The following MSH3 variants were observed in gnomAD, a reference collection of about 807,000 sequenced individuals.
The protein encoded by MSH3 is mutS homolog 3, also known as DNA mismatch repair protein Msh3.
In MSH3, 106 loss-of-function variants were observed where a neutral mutation model predicts 123.3. That is an observed-to-expected ratio of 0.86 (90% CI 0.73 to 1.01). MSH3 has a LOEUF of 1.01. MSH3 is among the 50% of genes least tolerant of loss of function. The pLI, the probability that MSH3 is intolerant of heterozygous loss-of-function variation, is 0.00. For missense variants in MSH3, 1,459 were observed against 1,347.6 expected (o/e 1.08, Z -1.29); for synonymous variants, 515 against 481.4 (o/e 1.07, Z -0.91).
chr5:80,700,817 G>A (rs1453131575), intron 8 of MSH3, among the ~76,000 whole-genome samples: 1 of 152,126 alleles, frequency 6.6e-6, no homozygotes, highest in East Asian at 1.9e-4. Context: ...ATTGATAGTC[G>A]AATAGGAAGA....
chr5:80,749,018 C>G (rs1386913528), intron 12 of MSH3, among the ~76,000 whole-genome samples: 2 of 151,912 alleles, frequency 1.3e-5, no homozygotes, highest in African/African-American at 4.8e-5. Context: ...TCTACCTGTA[C>G]TTTACATTTT....
intron 20 of MSH3, among the ~76,000 whole-genome samples, chr5:80,827,587 G>A (rs749109757): frequency 2.7e-4 from 40 of 148,114 alleles, no homozygotes; most frequent in Non-Finnish European, 4.9e-4. Context: ...CACATGATAA[G>A]TGAGCACTAA....
rs537287852 is a variant in MSH3 at position 80,829,916 on chromosome 5, A to G, written c.2813+16175A>G. On this transcript the variant is annotated intron_variant, in intron 20 of 23. Transcript: ENST00000265081. ...TATTGATTCAATTTCTTTAATAGAT[A>G]CAGGCCTATTCAGATTGTCCCTGTC... Among the ~76,000 whole-genome samples, 5 of 152,334 alleles carry G rather than the reference A, an allele frequency of 3.3e-5. No homozygotes were observed. In the South Asian group the frequency reaches 1.0e-3, roughly 32 times the overall value.
At chr5:80,655,601 C>T (rs1749259233) in intron 1 of MSH3, 1 of 183,618 alleles carries the variant, frequency 5.4e-6, no homozygotes, top group Non-Finnish European at 1.2e-5. Flanking sequence ...TGTTTTTAAA[C>T]CAGAGATACT....
chr5:80,775,268 T>G (rs1744278927), intron 15 of MSH3, among the ~76,000 whole-genome samples: 1 of 152,168 alleles, frequency 6.6e-6, no homozygotes. Flanking sequence ...ATCCTCTCTG[T>G]TCAGAATAGG....
At position 80,682,377 on chromosome 5, in the gene MSH3, G is replaced by T. The variant is rs148613412; in HGVS notation, c.1340+3284G>T. ...AGGTAAAGCGCCTGAAATAGTACCT[G>T]CTGTAGAAGGCTCTCTGTAAGAGGA... On this transcript the variant is annotated intron_variant, in intron 8 of 23. Coordinates refer to ENST00000265081, the MANE Select transcript of MSH3 (RefSeq NM_002439.5). Among the ~76,000 whole-genome samples, 314 of 152,192 alleles carry T rather than the reference G, an allele frequency of 2.1e-3. 3 individuals are homozygous for T. The highest frequency in any genetic ancestry group is 7.2e-3 in the African/African-American group (299 of 41,542).
intron 20 of MSH3, among the ~76,000 whole-genome samples, chr5:80,829,432 GTT>G: frequency 6.6e-6 from 1 of 152,158 alleles, no homozygotes; most frequent in East Asian, 1.9e-4. Context: ...TTTACTGAGA[GTT>G]TTTATCATGA....
intron 8 of MSH3, among the ~76,000 whole-genome samples, chr5:80,697,303 A>G (rs915291227): frequency 1.3e-5 from 2 of 152,208 alleles, no homozygotes; most frequent in African/African-American, 4.8e-5. Flanking sequence ...CCTGAGTTAT[A>G]CAAGGTGTTG....
chr5:80,860,908 T>G (rs1197478248), intron 21 of MSH3, among the ~76,000 whole-genome samples: 1 of 152,234 alleles, frequency 6.6e-6, no homozygotes, highest in East Asian at 1.9e-4. Context: ...TAAGATGTCC[T>G]CAAGCTCAGA....
intron 20 of MSH3, among the ~76,000 whole-genome samples, chr5:80,848,672 T>C (rs1745767887): frequency 6.6e-6 from 1 of 152,162 alleles, no homozygotes; most frequent in South Asian, 2.1e-4. Flanking sequence ...ATGAGACCCA[T>C]TCACTGTCAT....
intron 20 of MSH3, among the ~76,000 whole-genome samples, chr5:80,833,702 A>G (rs1745459867): frequency 6.6e-6 from 1 of 152,190 alleles, no homozygotes; most frequent in South Asian, 2.1e-4. Flanking sequence ...CAGCCTCCCA[A>G]AGTGCTGGGA....
chr5:80,723,971 G>A (rs1683726506), intron 8 of MSH3, among the ~76,000 whole-genome samples: 1 of 151,984 alleles, frequency 6.6e-6, no homozygotes, highest in Non-Finnish European at 1.5e-5. Context: ...GCCCAGGCTG[G>A]TCTTAAACTC....
intron 15 of MSH3, among the ~76,000 whole-genome samples, chr5:80,774,580 A>G (rs1249781482): frequency 1.3e-5 from 2 of 152,196 alleles, no homozygotes; most frequent in Admixed American, 1.3e-4. Flanking sequence ...CAACAGACAA[A>G]TGGGTAAAGA....
chr5:80,722,594 A>G (rs1412583597), intron 8 of MSH3, among the ~76,000 whole-genome samples: 3 of 152,148 alleles, frequency 2.0e-5, no homozygotes, highest in Non-Finnish European at 4.4e-5. Context: ...CCCACCCAAC[A>G]CCTGTTCCTG....
chr5:80,735,897 A>G (rs1743496989), intron 10 of MSH3, among the ~76,000 whole-genome samples: 1 of 152,200 alleles, frequency 6.6e-6, no homozygotes. Context: ...GATAATGTAT[A>G]CATGCCAGAA....
At position 80,852,101 on chromosome 5, in the gene MSH3, G is replaced by A. The variant is rs184830057; in HGVS notation, c.2814-2029G>A. On this transcript the variant is annotated intron_variant, in intron 20 of 23. Transcript: ENST00000265081. ...AGCATTTTGGGAGGCTAAGGCAGGA[G>A]GATCATTTGAACCCAGGAGTTCAAC... Among the ~76,000 whole-genome samples the A allele has an allele frequency of 4.8e-3, 727 of 152,290 alleles. 4 individuals carry two copies. The highest frequency in any genetic ancestry group is 0.031 in the Middle Eastern group (9 of 294).
chr5:80,673,636 C>T (rs1464603287), intron 6 of MSH3, among the ~76,000 whole-genome samples: 1 of 152,018 alleles, frequency 6.6e-6, no homozygotes. Flanking sequence ...AGTGGTAGCC[C>T]GTCTTCATTA....
intron 11 of MSH3, among the ~76,000 whole-genome samples, 168 bp from the exon 12 acceptor site, chr5:80,744,338 A>C (rs1034136111): frequency 6.6e-6 from 1 of 152,224 alleles, no homozygotes; most frequent in African/African-American, 2.4e-5. Flanking sequence ...GTAAAATGTC[A>C]GTACTTCATT....
chr5:80,766,385 G>GC (rs1357677618), intron 13 of MSH3, among the ~76,000 whole-genome samples: 2 of 93,438 alleles, frequency 2.1e-5, no homozygotes, highest in Non-Finnish European at 3.8e-5. Flanking sequence ...TTGCTCTGTT[G>GC]CCCAGGCAGG....
Sources: gnomAD v4.1 joint callset for allele counts (sites outside exome capture counted in the v4.1 genomes callset) on GRCh38, gnomAD v4.1.1 for gene constraint, MANE v1.5 for transcripts, NCBI Gene and HGNC (gene_info 2026-07-23, HGNC 2026-07-21) for gene names.